The following RNF150 variants were observed in gnomAD, a reference collection of about 807,000 sequenced individuals.
The protein encoded by RNF150 is ring finger protein 150.
RNF150 carries 24 observed loss-of-function variants against 39.3 expected under a neutral mutation model. The ratio of observed to expected loss-of-function variants is 0.61; its 90% confidence interval spans 0.44 to 0.86. The LOEUF (loss-of-function observed/expected upper bound fraction) is 0.86, where lower values mean the gene tolerates loss of function less well. Ranked by LOEUF, RNF150 falls within the 40% of genes least tolerant of loss-of-function variation. The pLI, the probability that RNF150 is intolerant of heterozygous loss-of-function variation, is 0.00. For synonymous variants in RNF150, 255 were observed against 227.3 expected (o/e 1.12, Z -1.10); for missense variants, 502 against 587.8 (o/e 0.85, Z 1.51).
intron 2 of RNF150, among the ~76,000 whole-genome samples, chr4:140,951,188 GTTTGACA>G (rs1732525536): frequency 6.6e-6 from 1 of 152,056 alleles, no homozygotes; most frequent in African/African-American, 2.4e-5. Context: ...GCACTGTCAC[GTTTGACA>G]TTTGAAATTT....
chr4:140,939,609 TGTGTGTGTGTGTGTG>T (rs1260468069), intron 4 of RNF150, among the ~76,000 whole-genome samples: 52 of 944 alleles, frequency 0.055, 1 homozygote, highest in South Asian at 0.38. Flanking sequence ...GTGGAGTTTG[TGTGTGTGTGTGTGTG>T]TGTGTGTGTG....
chr4:141,014,982 T>C (rs1352268536), intron 1 of RNF150, among the ~76,000 whole-genome samples: 1 of 152,190 alleles, frequency 6.6e-6, no homozygotes, highest in Non-Finnish European at 1.5e-5. Context: ...AATCTGTTTT[T>C]AGCTGATTTT....
Position 140,863,483 on chromosome 4 carries a change from C to T in RNF150, c.*4778G>A, listed in dbSNP as rs917895878. 8 of 152,018 alleles carry T rather than the reference C, an allele frequency of 5.3e-5. No individual in the cohort carries two copies. Among genetic ancestry groups the T allele is most frequent in the African/African-American group, 1.9e-4 (8 of 41,374 alleles). 9.4% of individuals were successfully genotyped at this position (152,018 alleles called of 1,614,324 possible). A position where few individuals can be genotyped will look rare whatever the true frequency, so the allele number is the denominator to read the frequency against. Reference sequence around the variant, plus strand: ...CTACACAATAAAAAGAGGAAAAACACCAACAACAGTAACAATGGTAATCAC... The same window carrying T: ...CTACACAATAAAAAGAGGAAAAACATCAACAACAGTAACAATGGTAATCAC... On this transcript the variant is annotated 3_prime_UTR_variant, in exon 7 of 7. Coordinates refer to ENST00000515673, the MANE Select transcript of RNF150 (RefSeq NM_020724.2).
At chr4:141,147,859 C>G (rs904570889) in intron 1 of RNF150, among the ~76,000 whole-genome samples, 3 of 152,090 alleles carry the variant, frequency 2.0e-5, no homozygotes, top group Admixed American at 6.6e-5. Flanking sequence ...AAGAAAAAAT[C>G]CAAAAGTGCT....
intron 4 of RNF150, among the ~76,000 whole-genome samples, chr4:140,947,405 A>G (rs1325226935): frequency 6.6e-6 from 1 of 152,192 alleles, no homozygotes; most frequent in Admixed American, 6.5e-5. Flanking sequence ...ATGAAGTCCT[A>G]GTTCATAGCA....
At chr4:140,899,646 T>C (rs1411237354) in intron 6 of RNF150, among the ~76,000 whole-genome samples, 1 of 152,020 alleles carries the variant, frequency 6.6e-6, no homozygotes, top group Admixed American at 6.6e-5. Flanking sequence ...TTGGGAAGCC[T>C]ATGGAGCGAG....
chr4:141,133,353 C>G lies in RNF150; in HGVS notation c.-545G>C, dbSNP rs1041582515. The G allele has an allele frequency of 7.9e-5, 13 of 164,324 alleles. No individual in the cohort carries two copies. Among genetic ancestry groups the G allele is most frequent in the African/African-American group, 3.1e-4 (13 of 41,498 alleles). 10.2% of individuals were successfully genotyped at this position (164,324 alleles called of 1,614,324 possible). On this transcript the variant is annotated 5_prime_UTR_variant, in exon 1 of 7. Transcript: ENST00000515673. ...TCCCTCAGGCTGCGGGCGCTGCGCT[C>G]CTGATCTCGCCGGTGGCTGCGCCTG...
At position 140,865,188 on chromosome 4, in the gene RNF150, TA is replaced by T. The variant is rs1728652345; in HGVS notation, c.*3072del. The T allele has an allele frequency of 6.6e-6, 1 of 152,240 alleles. No homozygotes were observed. The highest frequency in any genetic ancestry group is 2.4e-5 in the African/African-American group (1 of 41,460). 9.4% of individuals were successfully genotyped at this position (152,240 alleles called of 1,614,324 possible). A position where few individuals can be genotyped will look rare whatever the true frequency, so the allele number is the denominator to read the frequency against. On this transcript the variant is annotated 3_prime_UTR_variant, in exon 7 of 7. Coordinates refer to ENST00000515673, the MANE Select transcript of RNF150 (RefSeq NM_020724.2). ...CACAAAAGCATGTAAAACATGTCAT[TA>T]ATTTACATTAGTGACATGTTGAAAC...
intron 1 of RNF150, among the ~76,000 whole-genome samples, chr4:141,069,586 G>T (rs1365588158): frequency 6.7e-6 from 1 of 150,260 alleles, no homozygotes; most frequent in African/African-American, 2.5e-5. Flanking sequence ...AAATGAGTTA[G>T]GGAGGATTCC....
intron 1 of RNF150, among the ~76,000 whole-genome samples, chr4:141,070,301 C>T (rs999068025): frequency 8.6e-5 from 13 of 151,920 alleles, no homozygotes; most frequent in Admixed American, 2.6e-4. Context: ...TAGGCATTAC[C>T]ATTCAGGACA....
At chr4:141,108,558 T>G (rs1739287138) in intron 1 of RNF150, among the ~76,000 whole-genome samples, 2 of 152,172 alleles carry the variant, frequency 1.3e-5, no homozygotes, top group Non-Finnish European at 2.9e-5. Flanking sequence ...AAAAAAAACA[T>G]TTTAACATCT....
rs909374025 is a variant in RNF150 at position 141,133,002 on chromosome 4, C to G, written c.-194G>C. 2 of 529,372 alleles carry G rather than the reference C, an allele frequency of 3.8e-6. No homozygotes were observed. Among genetic ancestry groups the G allele is most frequent in the African/African-American group, 4.1e-5 (2 of 48,500 alleles). 32.8% of individuals were successfully genotyped at this position (529,372 alleles called of 1,614,324 possible). Reference sequence around the variant, plus strand: ...GCGAGCGGATGGCGCTGGCCCCTTCCCCTCTCAGCTGTAGCGCGGTGGTTG... The same window carrying G: ...GCGAGCGGATGGCGCTGGCCCCTTCGCCTCTCAGCTGTAGCGCGGTGGTTG... On this transcript the variant is annotated 5_prime_UTR_variant, in exon 1 of 7. Transcript: ENST00000515673.
At chr4:140,947,371 G>A (rs570449841) in intron 4 of RNF150, among the ~76,000 whole-genome samples, 15 of 152,196 alleles carry the variant, frequency 9.9e-5, no homozygotes, top group South Asian at 2.1e-4. Context: ...TGTACTTGGC[G>A]GCCACATCAT....
chr4:140,971,494 A>T (rs1019410467), intron 1 of RNF150, among the ~76,000 whole-genome samples: 1 of 152,146 alleles, frequency 6.6e-6, no homozygotes, highest in African/African-American at 2.4e-5. Flanking sequence ...AAATTATATC[A>T]GCCTACTATC....
intron 1 of RNF150, among the ~76,000 whole-genome samples, chr4:141,027,537 C>G (rs562665631): frequency 6.6e-6 from 1 of 152,252 alleles, no homozygotes; most frequent in African/African-American, 2.4e-5. Flanking sequence ...TCTTGGCACA[C>G]AGACAACATT....
At chr4:140,935,244 T>A (rs1261246939) in intron 4 of RNF150, among the ~76,000 whole-genome samples, 3 of 151,754 alleles carry the variant, frequency 2.0e-5, no homozygotes, top group African/African-American at 7.3e-5. Context: ...AATTTCTTTT[T>A]AAACTACAAT....
rs142277151 is a variant in RNF150, at chr4:140,910,740, C to T, written c.1198+404G>A. 2.7e-3 allele frequency among the ~76,000 whole-genome samples: 406 copies of T among 152,306 alleles called. 3 individuals are homozygous for T. Among genetic ancestry groups the T allele is most frequent in the African/African-American group, 8.8e-3 (365 of 41,572 alleles). ...GTGTGTGTACACACATGCGAGCATG[C>T]GCAGGTGAGTGGGTGTGGTTGTGCC... On this transcript the variant is annotated intron_variant, in intron 6 of 6. Transcript: ENST00000515673.
At chr4:140,906,068 G>A (rs2059498) in intron 6 of RNF150, among the ~76,000 whole-genome samples, 102,438 of 151,954 alleles carry the variant, frequency 0.67, 36,246 homozygotes, top group Non-Finnish European at 0.78. Flanking sequence ...ATTTTTTGGG[G>A]TATGTGTTTG....
At chr4:140,868,877 G>A (rs1474390182) in intron 6 of RNF150, among the ~76,000 whole-genome samples, 3 of 152,080 alleles carry the variant, frequency 2.0e-5, no homozygotes, top group Non-Finnish European at 4.4e-5. Flanking sequence ...CACAATTCAC[G>A]GAAGAGTGTA....
Sources: gnomAD v4.1 joint callset for allele counts (sites outside exome capture counted in the v4.1 genomes callset) on GRCh38, gnomAD v4.1.1 for gene constraint, MANE v1.5 for transcripts, NCBI Gene and HGNC (gene_info 2026-07-23, HGNC 2026-07-21) for gene names.